FBXL7: variants seen among roughly 807,000 people sequenced by gnomAD.
The protein encoded by FBXL7 is F-box and leucine rich repeat protein 7.
A neutral mutation model predicts 38.3 loss-of-function variants in FBXL7; 12 were observed. The observed-to-expected ratio is 0.31, with a 90% CI of 0.20 to 0.51. The LOEUF (loss-of-function observed/expected upper bound fraction) is 0.51. Ranked by LOEUF, FBXL7 falls within the 20% of genes least tolerant of loss-of-function variation. The pLI is 0.98. For missense variants in FBXL7, 567 were observed against 676.4 expected (o/e 0.84, Z 1.79); for synonymous variants, 297 against 300.9 (o/e 0.99, Z 0.13).
intron 2 of FBXL7, among the ~76,000 whole-genome samples, chr5:15,689,622 G>A (rs933229562): frequency 6.6e-6 from 1 of 152,122 alleles, no homozygotes; most frequent in Non-Finnish European, 1.5e-5. Flanking sequence ...AGGTTGCACT[G>A]GTTAACTAAG....
chr5:15,721,821 C>G (rs188449087), intron 2 of FBXL7, among the ~76,000 whole-genome samples: 1 of 147,458 alleles, frequency 6.8e-6, no homozygotes, highest in Non-Finnish European at 1.5e-5. Flanking sequence ...AGATAAGAAT[C>G]CTTTTATTTA....
At chr5:15,782,138 A>G (rs1039970749) in intron 2 of FBXL7, among the ~76,000 whole-genome samples, 3 of 152,150 alleles carry the variant, frequency 2.0e-5, no homozygotes, top group African/African-American at 7.2e-5. Flanking sequence ...AGCTTCATCC[A>G]TGTCCCTGCA....
chr5:15,511,341 T>C (rs1414809330), intron 1 of FBXL7, among the ~76,000 whole-genome samples: 1 of 152,208 alleles, frequency 6.6e-6, no homozygotes, highest in Non-Finnish European at 1.5e-5. Flanking sequence ...GAGGGTGTTC[T>C]CTAGGTTCTC....
intron 2 of FBXL7, among the ~76,000 whole-genome samples, chr5:15,816,783 G>T (rs756695580): frequency 5.3e-5 from 8 of 152,102 alleles, no homozygotes; most frequent in African/African-American, 1.9e-4. Context: ...AATTTGAAAA[G>T]CTGCTTAATT....
intron 1 of FBXL7, among the ~76,000 whole-genome samples, chr5:15,519,351 A>G (rs543497802): frequency 6.6e-6 from 1 of 151,896 alleles, no homozygotes; most frequent in African/African-American, 2.4e-5. Flanking sequence ...TCAAAAAAAA[A>G]TTCTTACTCT....
chr5:15,544,951 A>G (rs1181446405), intron 1 of FBXL7, among the ~76,000 whole-genome samples: 2 of 152,238 alleles, frequency 1.3e-5, no homozygotes, highest in African/African-American at 4.8e-5. Flanking sequence ...CTAACATTTT[A>G]TTATGAAGGT....
intron 1 of FBXL7, among the ~76,000 whole-genome samples, chr5:15,510,302 A>G (rs1273001745): frequency 6.6e-6 from 1 of 152,240 alleles, no homozygotes; most frequent in Non-Finnish European, 1.5e-5. Context: ...TTCTAGAGAA[A>G]AATTTCAGGA....
Position 15,568,168 on chromosome 5 carries a change from C to T in FBXL7, c.38-47815C>T, listed in dbSNP as rs1221094631. On this transcript the variant is annotated intron_variant, in intron 1 of 3. Transcript: ENST00000504595. ...CTAGTTCTAGATCCCTGAGGAATCG[C>T]CACACTGACTTCCACAATGGTTGAA... Among the ~76,000 whole-genome samples the T allele has an allele frequency of 2.6e-5, 4 of 152,104 alleles. No homozygotes were observed. The South Asian group carries it at 6.2e-4, about 24-fold the overall frequency.
At chr5:15,522,654 T>G (rs756736503) in intron 1 of FBXL7, among the ~76,000 whole-genome samples, 10 of 152,206 alleles carry the variant, frequency 6.6e-5, no homozygotes, top group Non-Finnish European at 1.0e-4. Flanking sequence ...GTTGCATTGA[T>G]CTCTTCAACA....
intron 2 of FBXL7, among the ~76,000 whole-genome samples, chr5:15,852,696 AC>A (rs920083312): frequency 2.0e-5 from 3 of 152,044 alleles, no homozygotes; most frequent in African/African-American, 7.2e-5. Context: ...AAAAAAAAAA[AC>A]ATGGCCATAT....
At chr5:15,826,362 A>G (rs939951109) in intron 2 of FBXL7, among the ~76,000 whole-genome samples, 5 of 152,220 alleles carry the variant, frequency 3.3e-5, no homozygotes, top group African/African-American at 7.2e-5. Context: ...AATAGCGTCT[A>G]TAGGGTGTAG....
At chr5:15,596,480 T>A (rs1019571144) in intron 1 of FBXL7, among the ~76,000 whole-genome samples, 3 of 152,138 alleles carry the variant, frequency 2.0e-5, no homozygotes, top group African/African-American at 7.2e-5. Context: ...CTGGGTAACA[T>A]AGTGGGACCC....
At chr5:15,565,457 T>C (rs1738539785) in intron 1 of FBXL7, among the ~76,000 whole-genome samples, 2 of 151,770 alleles carry the variant, frequency 1.3e-5, no homozygotes, top group African/African-American at 2.4e-5. Flanking sequence ...ACAGAACCAA[T>C]AGGAGATGTA....
chr5:15,723,234 C>G (rs1744250173), intron 2 of FBXL7, among the ~76,000 whole-genome samples: 1 of 152,050 alleles, frequency 6.6e-6, no homozygotes, highest in Admixed American at 6.5e-5. Flanking sequence ...AGTGAAACAA[C>G]AGAGACATAT....
intron 2 of FBXL7, among the ~76,000 whole-genome samples, chr5:15,660,051 T>A (rs139058526): frequency 1.3e-5 from 2 of 152,216 alleles, no homozygotes; most frequent in Non-Finnish European, 2.9e-5. Context: ...AGCTTGTTAT[T>A]TGTAACATGG....
intron 2 of FBXL7, among the ~76,000 whole-genome samples, chr5:15,717,099 A>T (rs944463330): frequency 6.6e-5 from 10 of 152,214 alleles, no homozygotes; most frequent in African/African-American, 2.4e-4. Flanking sequence ...AGATCTTATT[A>T]TCTTCAAAGA....
chr5:15,685,167 A>C (rs1742978134), intron 2 of FBXL7, among the ~76,000 whole-genome samples: 1 of 152,186 alleles, frequency 6.6e-6, no homozygotes, highest in African/African-American at 2.4e-5. Flanking sequence ...GCAGGAACAA[A>C]CAGTGAAACT....
chr5:15,920,888 A>G (rs10520831), intron 2 of FBXL7, among the ~76,000 whole-genome samples: 52,337 of 151,908 alleles, frequency 0.34, 9,327 homozygotes, highest in Admixed American at 0.52. Flanking sequence ...CAGTTAAATC[A>G]CAAAATACAC....
intron 1 of FBXL7, among the ~76,000 whole-genome samples, chr5:15,584,125 C>T (rs1364671432): frequency 6.6e-6 from 1 of 152,158 alleles, no homozygotes; most frequent in African/African-American, 2.4e-5. Context: ...GGCACCAAAT[C>T]TTGGGGCTGC....
Sources: gnomAD v4.1 joint callset for allele counts (sites outside exome capture counted in the v4.1 genomes callset) on GRCh38, gnomAD v4.1.1 for gene constraint, MANE v1.5 for transcripts, NCBI Gene and HGNC (gene_info 2026-07-23, HGNC 2026-07-21) for gene names.